Variants in NLGN1 observed in about 807,000 individuals in gnomAD.
The protein encoded by NLGN1 is neuroligin-1.
NLGN1 carries 12 observed loss-of-function variants against 65.5 expected under a neutral mutation model. The observed-to-expected ratio is 0.18, with a 90% confidence interval of 0.12 to 0.30. The LOEUF (loss-of-function observed/expected upper bound fraction) is 0.30. NLGN1 is among the 10% of genes least tolerant of loss of function. The probability of loss-of-function intolerance (pLI) is 1.00; values close to 1 mark genes in which losing one functional copy is unlikely to be tolerated. For missense variants in NLGN1, 750 were observed against 1,007.1 expected (o/e 0.74, Z 3.46); for synonymous variants, 350 against 359.5 (o/e 0.97, Z 0.30).
chr3:174,013,559 T>C (rs1350083311), intron 4 of NLGN1, among the ~76,000 whole-genome samples: 1 of 152,252 alleles, frequency 6.6e-6, no homozygotes, highest in East Asian at 1.9e-4. Flanking sequence ...TTAAAATTAT[T>C]GGTGATTGAA....
intron 4 of NLGN1, among the ~76,000 whole-genome samples, chr3:174,186,614 T>C (rs1256310497): frequency 2.0e-5 from 3 of 152,014 alleles, no homozygotes. Flanking sequence ...GTTTCTGTGA[T>C]ATCTCCCTTA....
At position 173,753,250 on chromosome 3, in the gene NLGN1, A is replaced by G. The variant is rs540440456; in HGVS notation, c.494-54430A>G. On this transcript the variant is annotated intron_variant, in intron 3 of 6. Transcript: ENST00000457714. Reference sequence around the variant, plus strand: ...ATCTCTGCTGCAGGCATCTCCCTCAATTAAGATCTGAATATTTCACTATCT... The same window carrying G: ...ATCTCTGCTGCAGGCATCTCCCTCAGTTAAGATCTGAATATTTCACTATCT... Among the ~76,000 whole-genome samples the G allele has an allele frequency of 5.8e-4, 88 of 152,252 alleles. 2 individuals are homozygous for G. The highest frequency in any genetic ancestry group is 2.1e-3 in the African/African-American group (87 of 41,572).
intron 4 of NLGN1, among the ~76,000 whole-genome samples, chr3:173,846,740 A>T (rs1467196193): frequency 6.6e-6 from 1 of 152,218 alleles, no homozygotes; most frequent in Non-Finnish European, 1.5e-5. Context: ...GCTCAAGGGT[A>T]AAATGAATTA....
rs149873787 is a variant in NLGN1 at position 173,415,890 on chromosome 3, A to AATATATATATATATATATATATATATAT, written c.-390+17418_-390+17419insTATATATATATATATATATATATATATA. 2.4e-4 allele frequency among the ~76,000 whole-genome samples: 32 copies of AATATATATATATATATATATATATATAT among 134,922 alleles called. 1 individual carries two copies. The highest frequency in any genetic ancestry group is 9.2e-4 in the African/African-American group (29 of 31,374). 88.5% of individuals were successfully genotyped at this position (134,922 alleles called of 152,430 possible). A position where few individuals can be genotyped will look rare whatever the true frequency, so the allele number is the denominator to read the frequency against. On this transcript the variant is annotated intron_variant, in intron 1 of 6. Coordinates refer to ENST00000457714, the Ensembl canonical transcript of NLGN1. ...TACCTGTGGAACATTGCAAGGAGTA[A>AATATATATATATATATATATATATATAT]ATATATATATATATAGAGAGAGAGA...
chr3:173,724,988 C>T (rs1454907710), intron 3 of NLGN1, among the ~76,000 whole-genome samples: 2 of 151,316 alleles, frequency 1.3e-5, no homozygotes. Flanking sequence ...ACAATGAGAA[C>T]ACTTGGAAAC....
intron 4 of NLGN1, among the ~76,000 whole-genome samples, chr3:173,893,089 G>A (rs1175130108): frequency 1.3e-5 from 2 of 152,120 alleles, no homozygotes; most frequent in South Asian, 2.1e-4. Flanking sequence ...GAGAAATCAG[G>A]CGCAGAAAAT....
chr3:173,539,497 A>G (rs1289809650), intron 2 of NLGN1, among the ~76,000 whole-genome samples: 2 of 144,276 alleles, frequency 1.4e-5, no homozygotes, highest in Non-Finnish European at 3.0e-5. Flanking sequence ...ATATGTATGT[A>G]TATGTATATG....
At chr3:173,779,943 A>T (rs891905775) in intron 3 of NLGN1, among the ~76,000 whole-genome samples, 2 of 152,142 alleles carry the variant, frequency 1.3e-5, no homozygotes, top group Admixed American at 1.3e-4. Context: ...AACTTCCTTT[A>T]TCCCTTTTTT....
intron 4 of NLGN1, among the ~76,000 whole-genome samples, chr3:174,222,456 C>A (rs889017760): frequency 1.3e-5 from 2 of 151,862 alleles, no homozygotes; most frequent in Admixed American, 1.3e-4. Flanking sequence ...AACTTTTATC[C>A]CCACCACAAA....
chr3:173,542,147 A>G (rs1738993487), intron 2 of NLGN1, among the ~76,000 whole-genome samples: 1 of 151,880 alleles, frequency 6.6e-6, no homozygotes, highest in African/African-American at 2.4e-5. Context: ...AAATTATTTT[A>G]TAAAATTTTA....
intron 4 of NLGN1, among the ~76,000 whole-genome samples, chr3:173,937,031 A>G (rs1471124059): frequency 6.6e-6 from 1 of 152,096 alleles, no homozygotes; most frequent in Non-Finnish European, 1.5e-5. Flanking sequence ...AGTTTTCTAA[A>G]TTAACTAAAA....
At chr3:173,777,679 A>G (rs994379946) in intron 3 of NLGN1, among the ~76,000 whole-genome samples, 5 of 150,310 alleles carry the variant, frequency 3.3e-5, no homozygotes, top group Non-Finnish European at 5.9e-5. Flanking sequence ...CTATCTATCC[A>G]TCCCATTTTT....
chr3:174,066,564 C>CTCTCTCTCTGTGTGTG (rs1553925385), intron 4 of NLGN1, among the ~76,000 whole-genome samples: 1 of 100,052 alleles, frequency 1.0e-5, no homozygotes, highest in African/African-American at 4.1e-5. Context: ...CTCTCTCTCT[C>CTCTCTCTCTGTGTGTG]TGTGTGTGTG....
intron 1 of NLGN1, among the ~76,000 whole-genome samples, chr3:173,430,541 A>G (rs959026522): frequency 6.6e-6 from 1 of 152,214 alleles, no homozygotes; most frequent in Non-Finnish European, 1.5e-5. Flanking sequence ...GCTCTTGATT[A>G]AGGTGGTATC....
At chr3:174,062,134 A>T (rs1429438052) in intron 4 of NLGN1, among the ~76,000 whole-genome samples, 1 of 152,114 alleles carries the variant, frequency 6.6e-6, no homozygotes, top group African/African-American at 2.4e-5. Context: ...GACTATTATT[A>T]GGAATTTCAA....
At chr3:173,715,472 T>C (rs990507651) in intron 3 of NLGN1, among the ~76,000 whole-genome samples, 9 of 152,194 alleles carry the variant, frequency 5.9e-5, no homozygotes, top group African/African-American at 2.2e-4. Flanking sequence ...TTCTCTCTTA[T>C]TAAGAGCTTT....
At chr3:173,876,438 T>A (rs1460685797) in intron 4 of NLGN1, among the ~76,000 whole-genome samples, 2 of 152,164 alleles carry the variant, frequency 1.3e-5, no homozygotes, top group Non-Finnish European at 2.9e-5. Flanking sequence ...TTGAAACACT[T>A]CTTGCAATTC....
intron 3 of NLGN1, among the ~76,000 whole-genome samples, chr3:173,798,731 G>T (rs1316160488): frequency 6.6e-6 from 1 of 152,038 alleles, no homozygotes; most frequent in African/African-American, 2.4e-5. Flanking sequence ...GTCTGTGTTT[G>T]AAATGACCTT....
At chr3:173,910,046 C>T (rs1012918444) in intron 4 of NLGN1, among the ~76,000 whole-genome samples, 2 of 151,418 alleles carry the variant, frequency 1.3e-5, no homozygotes, top group Non-Finnish European at 2.9e-5. Context: ...CCAAGAGTCT[C>T]TAATATTAAA....
Sources: allele counts gnomAD v4.1 joint callset (sites outside exome capture counted in the v4.1 genomes callset), GRCh38; gene constraint gnomAD v4.1.1; transcripts MANE v1.5; gene names NCBI Gene and HGNC (gene_info 2026-07-23, HGNC 2026-07-21).